The following TTLL5 variants were observed in gnomAD, a reference collection of about 807,000 sequenced individuals.
TTLL5 encodes the protein tubulin polyglutamylase TTLL5.
Under a neutral mutation model 168.4 loss-of-function variants are expected in TTLL5, and 132 were observed. The observed-to-expected ratio is 0.78, with a 90% CI of 0.68 to 0.91. TTLL5 has a LOEUF of 0.91. Ranked by LOEUF, TTLL5 falls within the 40% of genes least tolerant of loss-of-function variation. TTLL5 has a pLI of 0.00. For missense variants in TTLL5, 1,545 were observed against 1,581.5 expected (o/e 0.98, Z 0.39); for synonymous variants, 546 against 558.6 (o/e 0.98, Z 0.32).
intron 3 of TTLL5, among the ~76,000 whole-genome samples, chr14:75,678,294 C>T (rs918839073): frequency 2.0e-5 from 3 of 152,218 alleles, no homozygotes; most frequent in Admixed American, 6.5e-5. Flanking sequence ...ATATTTGCTT[C>T]TCTCTTTCTG....
Position 75,918,878 on chromosome 14 carries a change from A to G in TTLL5, c.3823+16654A>G, listed in dbSNP as rs146068088. On this transcript the variant is annotated intron_variant, in intron 31 of 31. Transcript: ENST00000298832. ...CAGTATAGCTGCTTTAAACACTGAG[A>G]CAAGTTATTAATGATTCCTGTTTCA... Among the ~76,000 whole-genome samples the G allele has an allele frequency of 1.0e-3, 159 of 152,226 alleles. 1 individual carries two copies. The highest frequency in any genetic ancestry group is 3.5e-3 in the African/African-American group (147 of 41,530).
chr14:75,863,853 C>G lies in TTLL5; in HGVS notation c.3513C>G (p.Ala1171=), dbSNP rs1346565271. Reference sequence around the variant, plus strand: ...GGCAGCTCCTGGACCAGAGTCGAGCCCGGCACCAGGTAATTCAAGATAAGT... The same window carrying G: ...GGCAGCTCCTGGACCAGAGTCGAGCGCGGCACCAGGTAATTCAAGATAAGT... ...QSRQLLDQSR[A]RHQAIFGSQT... The change falls in exon 29 of 32, where the codon GCC becomes GCG. Residue 1171 remains alanine, a synonymous_variant. Transcript: ENST00000298832. 3 of 1,544,934 alleles carry G rather than the reference C, an allele frequency of 1.9e-6. No homozygotes were observed. The African/African-American group carries it at 4.5e-5, about 23-fold the overall frequency.
chr14:75,885,813 A>G (rs1477180000), intron 30 of TTLL5, among the ~76,000 whole-genome samples: 2 of 152,200 alleles, frequency 1.3e-5, no homozygotes, highest in African/African-American at 2.4e-5. Flanking sequence ...TACCTGCCTC[A>G]TAGGGTTATT....
rs952359272 is a variant in TTLL5 at position 75,920,940 on chromosome 14, C to T, written c.3823+18716C>T. Among the ~76,000 whole-genome samples the T allele has an allele frequency of 3.9e-5, 6 of 152,148 alleles. No individual in the cohort carries two copies. In the East Asian group the frequency reaches 5.8e-4, roughly 15 times the overall value. ...TTCTAATTGACATGAGATGGTATCT[C>T]GTTGTGGTTTTGGTTTGCATTTCTC... On this transcript the variant is annotated intron_variant, in intron 31 of 31. Coordinates refer to ENST00000298832, the MANE Select transcript of TTLL5 (RefSeq NM_015072.5).
chr14:75,924,642 T>G (rs2033948163), intron 31 of TTLL5, among the ~76,000 whole-genome samples: 1 of 151,982 alleles, frequency 6.6e-6, no homozygotes, highest in Non-Finnish European at 1.5e-5. Context: ...GAAGAATTTT[T>G]TTTGGTACAG....
At chr14:75,950,328 C>T (rs1214052761) in intron 31 of TTLL5, among the ~76,000 whole-genome samples, 1 of 152,140 alleles carries the variant, frequency 6.6e-6, no homozygotes, top group East Asian at 1.9e-4. Context: ...CATTAGAGGA[C>T]CAGATCATTA....
chr14:75,891,146 C>T (rs1056163379), intron 30 of TTLL5, among the ~76,000 whole-genome samples: 2 of 152,214 alleles, frequency 1.3e-5, no homozygotes, highest in Admixed American at 6.5e-5. Flanking sequence ...ACTCTATCAC[C>T]GCTTTGCACA....
Position 75,764,562 on chromosome 14 carries a change from A to G in TTLL5, c.1551-53A>G, listed in dbSNP as rs1032464814. On this transcript the variant is annotated intron_variant, in intron 18 of 31. Coordinates refer to ENST00000298832, the MANE Select transcript of TTLL5 (RefSeq NM_015072.5). ...GAATTCTGGGAAGCTTAGCCTTGGA[A>G]TGAAGGAGAGAACTTTCTGAAGGCC... 4.4e-6 allele frequency: 7 copies of G among 1,601,854 alleles called. No individual in the cohort carries two copies. The South Asian group carries it at 5.5e-5, about 13-fold the overall frequency.
Position 75,954,673 on chromosome 14 carries a change from G to C in TTLL5, c.*227G>C, listed in dbSNP as rs1025186251. 1.0e-5 allele frequency: 6 copies of C among 590,088 alleles called. No individual in the cohort carries two copies. The African/African-American group carries it at 1.1e-4, about 11-fold the overall frequency. The allele number at this position is 590,088 out of a possible 1,614,324, so 36.6% of individuals were successfully genotyped here. On this transcript the variant is annotated 3_prime_UTR_variant, in exon 32 of 32. Transcript: ENST00000298832. ...TTCTGGGTTTTGATGGAACTTGGCA[G>C]TGGGGACATTCAGCTGATGCATTAT...
chr14:75,928,549 C>T (rs888096373), intron 31 of TTLL5, among the ~76,000 whole-genome samples: 2 of 151,532 alleles, frequency 1.3e-5, no homozygotes, highest in Non-Finnish European at 2.9e-5. Flanking sequence ...ATTAGAATTC[C>T]TCCCTCCCTC....
chr14:75,712,168 CAG>C (rs1276339338), intron 9 of TTLL5: 1 of 152,076 alleles, frequency 6.6e-6, no homozygotes. Context: ...GACAGCAGAT[CAG>C]AGAGCTCTTG....
intron 18 of TTLL5, among the ~76,000 whole-genome samples, chr14:75,753,789 A>C (rs559121568): frequency 2.0e-5 from 3 of 152,280 alleles, no homozygotes; most frequent in African/African-American, 7.2e-5. Context: ...CTTTATATGT[A>C]TAAAACCTGT....
intron 17 of TTLL5, among the ~76,000 whole-genome samples, chr14:75,750,924 T>C (rs1378035907): frequency 6.6e-6 from 1 of 152,168 alleles, no homozygotes; most frequent in Non-Finnish European, 1.5e-5. Context: ...TGATATGAGA[T>C]GGTACAGTGA....
chr14:75,844,073 G>A (rs1896407281), intron 28 of TTLL5, among the ~76,000 whole-genome samples: 1 of 151,610 alleles, frequency 6.6e-6, no homozygotes, highest in African/African-American at 2.4e-5. Flanking sequence ...AGTAGAGATG[G>A]GGTTTCACCA....
At chr14:75,788,971 A>G (rs1162639323) in intron 26 of TTLL5, among the ~76,000 whole-genome samples, 1 of 152,196 alleles carries the variant, frequency 6.6e-6, no homozygotes, top group Non-Finnish European at 1.5e-5. Flanking sequence ...ATCATTTGCC[A>G]TGTAAATATA....
At chr14:75,760,120 A>G (rs1890539158) in intron 18 of TTLL5, among the ~76,000 whole-genome samples, 1 of 152,128 alleles carries the variant, frequency 6.6e-6, no homozygotes, top group Admixed American at 6.5e-5. Context: ...TGTAACTACA[A>G]GAACACAGAA....
chr14:75,866,915 C>T (rs2030563660), intron 29 of TTLL5, among the ~76,000 whole-genome samples: 1 of 152,164 alleles, frequency 6.6e-6, no homozygotes, highest in Non-Finnish European at 1.5e-5. Context: ...AACAGAGATA[C>T]AAGAAACTTG....
intron 28 of TTLL5, 34 bp from the exon 29 acceptor site, chr14:75,863,629 CCACT>C (rs2030221713): frequency 6.5e-7 from 1 of 1,547,430 alleles, no homozygotes; most frequent in East Asian, 2.3e-5. Flanking sequence ...GTTCATACAG[CCACT>C]CACTCTAAGA....
chr14:75,919,228 A>G lies in TTLL5; in HGVS notation c.3823+17004A>G, dbSNP rs1231956028. Among the ~76,000 whole-genome samples, 415 of 149,790 alleles carry G rather than the reference A, an allele frequency of 2.8e-3. 3 individuals carry two copies. Among genetic ancestry groups the G allele is most frequent in the African/African-American group, 8.2e-3 (335 of 40,640 alleles). On this transcript the variant is annotated intron_variant, in intron 31 of 31. Coordinates refer to ENST00000298832, the MANE Select transcript of TTLL5 (RefSeq NM_015072.5). The stretch of plus-strand genomic sequence containing the variant: ...AAAAAAAAAAAAAAAAAAAGGAAAA[A>G]GAAAAAGAAAAGAAAAGCTTCCTTG...
Sources: gnomAD v4.1 joint callset for allele counts (sites outside exome capture counted in the v4.1 genomes callset) on GRCh38, gnomAD v4.1.1 for gene constraint, MANE v1.5 for transcripts, NCBI Gene and HGNC (gene_info 2026-07-23, HGNC 2026-07-21) for gene names.